AFF3: variants seen among roughly 807,000 people sequenced by gnomAD.
AFF3 encodes the protein ALF transcription elongation factor 3, also known as AF4/FMR2 family member 3.
Under a neutral mutation model 129.7 loss-of-function variants are expected in AFF3, and 32 were observed. The ratio of observed to expected loss-of-function variants is 0.25; its 90% CI spans 0.19 to 0.33. The LOEUF (loss-of-function observed/expected upper bound fraction) is 0.33, where lower values mean the gene tolerates loss of function less well. AFF3 is among the 10% of genes least tolerant of loss of function. The pLI is 1.00. For missense variants in AFF3, 1,373 were observed against 1,592.0 expected (o/e 0.86, Z 2.34); for synonymous variants, 644 against 635.4 (o/e 1.01, Z -0.20).
intron 18 of AFF3, among the ~76,000 whole-genome samples, chr2:99,571,495 T>A (rs975665196): frequency 2.0e-5 from 3 of 152,186 alleles, no homozygotes; most frequent in African/African-American, 7.2e-5. Flanking sequence ...GGCATATTTT[T>A]AAATCCTGAT....
At chr2:100,016,119 A>AATGGTG (rs1553504717) in intron 4 of AFF3, among the ~76,000 whole-genome samples, 1 of 121,318 alleles carries the variant, frequency 8.2e-6, no homozygotes, top group East Asian at 2.7e-4. Context: ...TGGTGGTAGC[A>AATGGTG]ATGGTGATGG....
chr2:99,577,822 T>G (rs1311801501), intron 18 of AFF3, among the ~76,000 whole-genome samples: 1 of 152,244 alleles, frequency 6.6e-6, no homozygotes, highest in African/African-American at 2.4e-5. Context: ...GTTATACTTG[T>G]GTGAAACTGA....
At chr2:99,976,406 C>G (rs753177369) in intron 7 of AFF3, among the ~76,000 whole-genome samples, 1 of 152,142 alleles carries the variant, frequency 6.6e-6, no homozygotes, top group African/African-American at 2.4e-5. Context: ...TGGCATCGTT[C>G]CCGCAGATAT....
At chr2:99,730,804 T>G (rs1286834414) in intron 10 of AFF3, among the ~76,000 whole-genome samples, 1 of 152,134 alleles carries the variant, frequency 6.6e-6, no homozygotes, top group African/African-American at 2.4e-5. Context: ...TGAGCCACCG[T>G]GCTCGGCCAT....
At chr2:99,925,478 T>G (rs1696164747) in intron 7 of AFF3, among the ~76,000 whole-genome samples, 1 of 152,194 alleles carries the variant, frequency 6.6e-6, no homozygotes, top group Admixed American at 6.5e-5. Flanking sequence ...GGACTACATA[T>G]TAAAGTCTTT....
intron 13 of AFF3, among the ~76,000 whole-genome samples, chr2:99,648,911 A>ACTCTCTCTCT (rs1310405470): frequency 2.8e-5 from 1 of 36,240 alleles, no homozygotes; most frequent in African/African-American, 6.7e-5. Context: ...ACACACACAC[A>ACTCTCTCTCT]CACACACTCT....
intron 7 of AFF3, among the ~76,000 whole-genome samples, chr2:99,964,467 C>A (rs940708293): frequency 6.6e-6 from 1 of 152,072 alleles, no homozygotes; most frequent in Non-Finnish European, 1.5e-5. Context: ...ACAGAACAAT[C>A]TCCAGATACT....
rs544692619 is a variant in AFF3, at chr2:99,684,205, C to T, written c.1092-11616G>A. On this transcript the variant is annotated intron_variant, in intron 11 of 24. Transcript: ENST00000672756. ...TCCCCAAATGTCTTGAGGAAAAAAG[C>T]CATCTGCCTCCTTGTTCAGGACAGC... Among the ~76,000 whole-genome samples the T allele has an allele frequency of 2.0e-4, 31 of 152,328 alleles. No individual in the cohort carries two copies. The South Asian group carries it at 6.4e-3, about 32-fold the overall frequency.
intron 7 of AFF3, among the ~76,000 whole-genome samples, chr2:99,881,923 A>G (rs1692748352): frequency 6.6e-6 from 1 of 152,204 alleles, no homozygotes; most frequent in African/African-American, 2.4e-5. Flanking sequence ...CTTGACCTGA[A>G]TTTATGCATG....
At chr2:100,065,121 G>A (rs1338441279) in intron 4 of AFF3, among the ~76,000 whole-genome samples, 2 of 152,152 alleles carry the variant, frequency 1.3e-5, no homozygotes, top group African/African-American at 4.8e-5. Flanking sequence ...AGTGTTATTT[G>A]TCTATAAAAA....
chr2:100,091,096 G>A (rs1689819301), intron 4 of AFF3, among the ~76,000 whole-genome samples: 1 of 152,042 alleles, frequency 6.6e-6, no homozygotes, highest in African/African-American at 2.4e-5. Flanking sequence ...TAGGGGCTCT[G>A]GAGCCAGGCT....
intron 8 of AFF3, among the ~76,000 whole-genome samples, chr2:99,759,981 A>C: frequency 6.6e-6 from 1 of 152,332 alleles, no homozygotes; most frequent in African/African-American, 2.4e-5. Context: ...TTACAACCAG[A>C]GGAAATGGGG....
chr2:99,700,101 C>T (rs922653068), intron 11 of AFF3, among the ~76,000 whole-genome samples: 1 of 148,932 alleles, frequency 6.7e-6, no homozygotes, highest in African/African-American at 2.5e-5. Flanking sequence ...CATCCAGCTG[C>T]TGCAACTTGC....
At chr2:99,700,123 CT>C (rs34691450) in intron 11 of AFF3, among the ~76,000 whole-genome samples, 91,864 of 143,922 alleles carry the variant, frequency 0.64, 29,174 homozygotes, top group East Asian at 0.76. Flanking sequence ...TCAAAGCCTC[CT>C]TTTTTTTTTT....
intron 7 of AFF3, among the ~76,000 whole-genome samples, chr2:99,962,987 C>T (rs915459643): frequency 2.6e-5 from 4 of 151,352 alleles, no homozygotes; most frequent in African/African-American, 9.7e-5. Context: ...CACAACAACA[C>T]ACATCATAAT....
intron 13 of AFF3, among the ~76,000 whole-genome samples, chr2:99,605,372 A>G (rs1052785732): frequency 1.3e-5 from 2 of 152,222 alleles, no homozygotes; most frequent in Non-Finnish European, 2.9e-5. Flanking sequence ...CATGCATAAT[A>G]TCCAGAAACA....
intron 7 of AFF3, among the ~76,000 whole-genome samples, chr2:99,880,296 C>T (rs908290728): frequency 1.3e-5 from 2 of 152,322 alleles, no homozygotes; most frequent in African/African-American, 2.4e-5. Flanking sequence ...TTTTGTGTCA[C>T]GCGCCCCTGG....
At chr2:99,559,887 T>C (rs985144084) in intron 21 of AFF3, among the ~76,000 whole-genome samples, 2 of 152,268 alleles carry the variant, frequency 1.3e-5, no homozygotes, top group Non-Finnish European at 2.9e-5. Context: ...TTCCACCTAC[T>C]GATGAGTAAG....
chr2:100,111,507 C>T (rs914270022), intron 2 of AFF3, among the ~76,000 whole-genome samples: 4 of 152,110 alleles, frequency 2.6e-5, no homozygotes, highest in Admixed American at 2.0e-4. Flanking sequence ...TCTTTATTTT[C>T]ATGTTATTTG....
Sources: gnomAD v4.1 joint callset for allele counts (sites outside exome capture counted in the v4.1 genomes callset) on GRCh38, gnomAD v4.1.1 for gene constraint, MANE v1.5 for transcripts, NCBI Gene and HGNC (gene_info 2026-07-23, HGNC 2026-07-21) for gene names.